Variants in RBM47 observed in about 807,000 individuals in gnomAD.
RBM47 encodes the protein RNA-binding protein 47.
A neutral mutation model predicts 47.1 loss-of-function variants in RBM47; 21 were observed. That is an observed-to-expected ratio of 0.45 (90% CI 0.32 to 0.64). The LOEUF is 0.64. Among genes scored for constraint, RBM47 ranks in the 30% least tolerant of loss-of-function variants. The probability of loss-of-function intolerance (pLI) is 0.05; values close to 1 mark genes in which losing one functional copy is unlikely to be tolerated. For missense variants in RBM47, 708 were observed against 870.9 expected, an observed-to-expected ratio of 0.81 and a Z score of 2.35; for synonymous variants, 375 against 361.7, an observed-to-expected ratio of 1.04 and a Z score of -0.42.
intron 1 of RBM47, among the ~76,000 whole-genome samples, chr4:40,583,240 G>A (rs1733129905): frequency 1.3e-5 from 2 of 151,738 alleles, no homozygotes; most frequent in Non-Finnish European, 2.9e-5. Flanking sequence ...ACCAGCCTCC[G>A]TCTCTACTAA....
chr4:40,528,410 A>AC (rs1251521181), intron 2 of RBM47, among the ~76,000 whole-genome samples: 2 of 150,994 alleles, frequency 1.3e-5, no homozygotes, highest in African/African-American at 4.9e-5. Context: ...TTTTTTAAAA[A>AC]AAAAACAACA....
At chr4:40,460,464 T>C (rs1716944535) in intron 3 of RBM47, among the ~76,000 whole-genome samples, 1 of 152,198 alleles carries the variant, frequency 6.6e-6, no homozygotes. Context: ...TTATTAACTG[T>C]GTGACTTCAG....
At position 40,494,087 on chromosome 4, in the gene RBM47, A is replaced by C. The variant is rs75870645; in HGVS notation, c.-154-27388T>G. 4.0e-4 allele frequency among the ~76,000 whole-genome samples: 61 copies of C among 152,326 alleles called. No homozygotes were observed. The East Asian group carries it at 0.011, about 28-fold the overall frequency. On this transcript the variant is annotated intron_variant, in intron 2 of 6. Transcript: ENST00000295971. Reference sequence around the variant, plus strand: ...CCTTGATTCTTCCTTCAATGGACACATATTTATTGACCCCCTTTTATGTGA... The same window carrying C: ...CCTTGATTCTTCCTTCAATGGACACCTATTTATTGACCCCCTTTTATGTGA...
intron 1 of RBM47, among the ~76,000 whole-genome samples, chr4:40,623,274 C>T (rs539906370): frequency 5.3e-5 from 8 of 152,356 alleles, no homozygotes; most frequent in African/African-American, 1.4e-4. Flanking sequence ...GGCCAAACTA[C>T]TGTTTGCACC....
At chr4:40,626,426 G>T (rs77106570) in intron 1 of RBM47, among the ~76,000 whole-genome samples, 1 of 152,130 alleles carries the variant, frequency 6.6e-6, no homozygotes, top group East Asian at 1.9e-4. Context: ...AAAAGGAGAG[G>T]AGGAGCCTCC....
chr4:40,481,247 C>T (rs1424902565), intron 2 of RBM47, among the ~76,000 whole-genome samples: 1 of 150,936 alleles, frequency 6.6e-6, no homozygotes, highest in East Asian at 1.9e-4. Context: ...GAAGTGCAGT[C>T]AAAGACCTGG....
chr4:40,504,969 G>A (rs1013012500), intron 2 of RBM47, among the ~76,000 whole-genome samples: 8 of 152,194 alleles, frequency 5.3e-5, no homozygotes, highest in Admixed American at 4.6e-4. Flanking sequence ...TTGTTTTTCA[G>A]AATAAGCACA....
chr4:40,595,807 A>T (rs754816026), intron 1 of RBM47, among the ~76,000 whole-genome samples: 15 of 152,062 alleles, frequency 9.9e-5, no homozygotes, highest in Middle Eastern at 3.4e-3. Flanking sequence ...TGGGAGGCTG[A>T]GGCAGGAGAA....
At chr4:40,568,219 A>G (rs1341891759) in intron 1 of RBM47, among the ~76,000 whole-genome samples, 1 of 151,700 alleles carries the variant, frequency 6.6e-6, no homozygotes, top group Admixed American at 6.6e-5. Context: ...TGAGCTCAGA[A>G]GTTCGAGACC....
intron 2 of RBM47, among the ~76,000 whole-genome samples, chr4:40,475,062 A>G (rs1361315171): frequency 1.3e-5 from 2 of 152,200 alleles, no homozygotes; most frequent in South Asian, 2.1e-4. Flanking sequence ...ACAATTATTT[A>G]TAATGAAAGT....
chr4:40,609,021 T>C (rs1736010162), intron 1 of RBM47, among the ~76,000 whole-genome samples: 1 of 151,888 alleles, frequency 6.6e-6, no homozygotes, highest in African/African-American at 2.4e-5. Flanking sequence ...TTGATAGAGT[T>C]TCACTCTTGT....
At chr4:40,554,094 C>T (rs1348806120) in intron 1 of RBM47, among the ~76,000 whole-genome samples, 3 of 152,160 alleles carry the variant, frequency 2.0e-5, no homozygotes, top group Admixed American at 2.0e-4. Context: ...CCCCAGGACC[C>T]AGCACGGTGC....
At chr4:40,430,836 C>A (rs1282710124) in intron 6 of RBM47, among the ~76,000 whole-genome samples, 3 of 152,198 alleles carry the variant, frequency 2.0e-5, no homozygotes, top group Non-Finnish European at 4.4e-5. Context: ...CCTGTAATCC[C>A]AGCACTTGGG....
At chr4:40,470,293 A>G (rs967543974) in intron 2 of RBM47, among the ~76,000 whole-genome samples, 1 of 152,126 alleles carries the variant, frequency 6.6e-6, no homozygotes, top group Non-Finnish European at 1.5e-5. Context: ...ATAAAGACCA[A>G]ATGGGGAAAA....
intron 5 of RBM47, among the ~76,000 whole-genome samples, chr4:40,434,005 G>A (rs1361900273): frequency 3.0e-5 from 2 of 66,002 alleles, no homozygotes; most frequent in Admixed American, 1.6e-4. Flanking sequence ...GGGCGGGGGT[G>A]TGTGTGTGTG....
At chr4:40,504,799 C>T (rs1435461793) in intron 2 of RBM47, among the ~76,000 whole-genome samples, 1 of 152,116 alleles carries the variant, frequency 6.6e-6, no homozygotes, top group Non-Finnish European at 1.5e-5. Flanking sequence ...TTAATTTGTC[C>T]ACCTTCTATT....
chr4:40,605,290 G>T (rs1735663797), intron 1 of RBM47, among the ~76,000 whole-genome samples: 1 of 151,924 alleles, frequency 6.6e-6, no homozygotes, highest in Admixed American at 6.6e-5. Context: ...CTCCCAAAGT[G>T]CTGGGATTAC....
intron 1 of RBM47, among the ~76,000 whole-genome samples, chr4:40,565,220 C>T (rs1730982684): frequency 6.6e-6 from 1 of 152,188 alleles, no homozygotes; most frequent in Admixed American, 6.5e-5. Context: ...TTTTCTCATT[C>T]ATTCTGAACT....
chr4:40,589,157 G>C (rs1332420022), intron 1 of RBM47, among the ~76,000 whole-genome samples: 1 of 151,446 alleles, frequency 6.6e-6, no homozygotes, highest in East Asian at 2.0e-4. Context: ...TAGTAGAGAT[G>C]GGGTTTCACC....
Sources: allele counts gnomAD v4.1 joint callset (sites outside exome capture counted in the v4.1 genomes callset), GRCh38; gene constraint gnomAD v4.1.1; transcripts MANE v1.5; gene names NCBI Gene and HGNC (gene_info 2026-07-23, HGNC 2026-07-21).